SUSD6: variants seen among roughly 807,000 people sequenced by gnomAD.
SUSD6 encodes sushi domain-containing protein 6.
In SUSD6, 16 loss-of-function variants were observed where a neutral mutation model predicts 28.4. That is an observed-to-expected ratio of 0.56 (90% CI 0.38 to 0.86). SUSD6 has a LOEUF of 0.86. Among genes scored for constraint, SUSD6 ranks in the 40% least tolerant of loss-of-function variants. SUSD6 has a pLI of 0.00. For synonymous variants in SUSD6, 147 were observed against 159.6 expected (o/e 0.92, Z 0.59); for missense variants, 341 against 384.2 (o/e 0.89, Z 0.94).
intron 1 of SUSD6, among the ~76,000 whole-genome samples, chr14:69,631,956 G>T (rs1040164037): frequency 2.6e-5 from 4 of 152,166 alleles, no homozygotes; most frequent in African/African-American, 9.7e-5. Flanking sequence ...ATATGGCAGA[G>T]AATCCACCAA....
chr14:69,703,283 G>A (rs1488645070), intron 2 of SUSD6, 112 bp from the exon 3 acceptor site: 1 of 854,134 alleles, frequency 1.2e-6, no homozygotes. Flanking sequence ...CAAGGAAAGG[G>A]TTATTTCCTC....
intron 1 of SUSD6, among the ~76,000 whole-genome samples, chr14:69,640,253 G>GT (rs1190565859): frequency 6.6e-6 from 1 of 151,704 alleles, no homozygotes; most frequent in Non-Finnish European, 1.5e-5. Flanking sequence ...TAAGAACTGA[G>GT]TAACTATCAT....
intron 1 of SUSD6, among the ~76,000 whole-genome samples, chr14:69,647,077 A>C (rs887355552): frequency 6.6e-6 from 1 of 152,152 alleles, no homozygotes; most frequent in Non-Finnish European, 1.5e-5. Context: ...TTGGCACATC[A>C]CAGGCACTGA....
chr14:69,629,434 C>T (rs893270151), intron 1 of SUSD6, among the ~76,000 whole-genome samples: 1 of 152,182 alleles, frequency 6.6e-6, no homozygotes, highest in African/African-American at 2.4e-5. Context: ...GCAAAGGCAA[C>T]ATTATCTGCC....
intron 1 of SUSD6, among the ~76,000 whole-genome samples, chr14:69,638,689 A>G (rs537210611): frequency 1.3e-5 from 2 of 152,220 alleles, no homozygotes; most frequent in African/African-American, 4.8e-5. Flanking sequence ...ACAAGCTCCC[A>G]GGTGCTGCCA....
intron 1 of SUSD6, among the ~76,000 whole-genome samples, chr14:69,638,423 AGTGTGTGTGTGTGTGT>A (rs10637124): frequency 1.4e-5 from 2 of 139,140 alleles, no homozygotes; most frequent in Admixed American, 7.2e-5. Flanking sequence ...TGGGGTGGGG[AGTGTGTGTGTGTGTGT>A]GTGTGTGTGT....
At chr14:69,681,897 T>C (rs564554309) in intron 2 of SUSD6, among the ~76,000 whole-genome samples, 230 of 152,312 alleles carry the variant, frequency 1.5e-3, no homozygotes, top group African/African-American at 5.4e-3. Flanking sequence ...GGTTACTGTG[T>C]TAAATACTGT....
chr14:69,650,921 C>CAT (rs1885495223), intron 1 of SUSD6, among the ~76,000 whole-genome samples: 1 of 152,164 alleles, frequency 6.6e-6, no homozygotes, highest in African/African-American at 2.4e-5. Flanking sequence ...GGTAGGGATC[C>CAT]GTCTTGGGAA....
At chr14:69,657,595 T>TA (rs1885601803) in intron 1 of SUSD6, among the ~76,000 whole-genome samples, 1 of 151,726 alleles carries the variant, frequency 6.6e-6, no homozygotes, top group African/African-American at 2.4e-5. Context: ...GTGTGTAACT[T>TA]AAAAAAAAGA....
At chr14:69,692,702 G>A (rs990512652) in intron 2 of SUSD6, among the ~76,000 whole-genome samples, 1 of 152,158 alleles carries the variant, frequency 6.6e-6, no homozygotes, top group African/African-American at 2.4e-5. Context: ...TTGGCATTAG[G>A]AGTTACCATT....
chr14:69,694,197 A>G (rs1886191526), intron 2 of SUSD6, among the ~76,000 whole-genome samples: 1 of 152,218 alleles, frequency 6.6e-6, no homozygotes, highest in Admixed American at 6.5e-5. Flanking sequence ...ACCTGCAGAG[A>G]CTACAACATG....
intron 2 of SUSD6, among the ~76,000 whole-genome samples, chr14:69,687,990 T>C (rs1330576654): frequency 2.0e-5 from 3 of 152,228 alleles, no homozygotes; most frequent in Non-Finnish European, 4.4e-5. Context: ...TATACAGTTA[T>C]ACTCTTCTGT....
Position 69,713,519 on chromosome 14 carries a change from T to G in SUSD6, c.*2540T>G, listed in dbSNP as rs1214689976. On this transcript the variant is annotated 3_prime_UTR_variant, in exon 6 of 6. Transcript: ENST00000342745. The stretch of plus-strand genomic sequence containing the variant: ...TATGTCTTTCTTCCAAAGCAATTTC[T>G]TAACCATCAGCCATGTGCTGCTATT... The G allele has an allele frequency of 6.6e-6, 1 of 152,362 alleles. No homozygotes were observed. The highest frequency in any genetic ancestry group is 2.4e-5 in the African/African-American group (1 of 41,474). 9.4% of individuals were successfully genotyped at this position (152,362 alleles called of 1,614,324 possible).
intron 1 of SUSD6, among the ~76,000 whole-genome samples, chr14:69,639,199 G>T (rs1885311175): frequency 6.7e-6 from 1 of 150,060 alleles, no homozygotes; most frequent in African/African-American, 2.4e-5. Context: ...GTTGTGGCGG[G>T]CACCTGTAGT....
intron 2 of SUSD6, among the ~76,000 whole-genome samples, chr14:69,694,931 C>T (rs1444602370): frequency 4.6e-5 from 7 of 152,182 alleles, no homozygotes; most frequent in Middle Eastern, 3.2e-3. Flanking sequence ...AGAAGAGCCA[C>T]AGGAGGTATC....
rs754929531 is a variant in SUSD6 at position 69,709,093 on chromosome 14, A to G, written c.875A>G (p.Glu292Gly). ...AGCCTTTTATCCCTCACGTCAGAGGAGTACACAGATGGTGAGTGGTCCAAG... is the reference window on the plus strand; with the variant it reads ...AGCCTTTTATCCCTCACGTCAGAGGGGTACACAGATGGTGAGTGGTCCAAG... ...IQSLLSLTSE[E>G]YTDDIPLLKE... Residue 292 changes from glutamate to glycine, a missense_variant, in exon 5 of 6, where the codon GAG becomes GGG. Coordinates refer to ENST00000342745, the MANE Select transcript of SUSD6 (RefSeq NM_014734.4). 4.0e-5 allele frequency: 64 copies of G among 1,587,326 alleles called. No homozygotes were observed. Among genetic ancestry groups the G allele is most frequent in the Non-Finnish European group, 4.9e-5 (57 of 1,165,878 alleles).
At chr14:69,643,432 G>A (rs1885382128) in intron 1 of SUSD6, among the ~76,000 whole-genome samples, 1 of 152,172 alleles carries the variant, frequency 6.6e-6, no homozygotes, top group African/African-American at 2.4e-5. Context: ...TGCTGAACGT[G>A]GTATAATCTG....
intron 2 of SUSD6, among the ~76,000 whole-genome samples, chr14:69,662,514 C>T (rs2139617337): frequency 6.6e-6 from 1 of 152,270 alleles, no homozygotes; most frequent in South Asian, 2.1e-4. Flanking sequence ...GCATTGGGTC[C>T]AGCTTTCCTT....
At chr14:69,683,522 T>A (rs1886028594) in intron 2 of SUSD6, among the ~76,000 whole-genome samples, 1 of 151,738 alleles carries the variant, frequency 6.6e-6, no homozygotes, top group South Asian at 2.1e-4. Context: ...TGGGTCTGAG[T>A]TGATGGAGGA....
Sources: gnomAD v4.1 joint callset for allele counts (sites outside exome capture counted in the v4.1 genomes callset) on GRCh38, gnomAD v4.1.1 for gene constraint, MANE v1.5 for transcripts, NCBI Gene and HGNC (gene_info 2026-07-23, HGNC 2026-07-21) for gene names.